KCNK4: variants seen among roughly 807,000 people sequenced by gnomAD.
KCNK4 encodes the protein potassium channel subfamily K member 4.
A neutral mutation model predicts 28.8 loss-of-function variants in KCNK4; 22 were observed. The ratio of observed to expected loss-of-function variants is 0.76; its 90% confidence interval spans 0.55 to 1.09. The LOEUF (loss-of-function observed/expected upper bound fraction) is 1.09. Ranked by LOEUF, KCNK4 falls within the 50% of genes least tolerant of loss-of-function variation. The pLI, the probability that KCNK4 is intolerant of heterozygous loss-of-function variation, is 0.00. For missense variants in KCNK4, 483 were observed against 546.3 expected, an observed-to-expected ratio of 0.88 and a Z score of 1.15; for synonymous variants, 263 against 252.9, an observed-to-expected ratio of 1.04 and a Z score of -0.38.
chr11:64,299,887 T>C lies in KCNK4; in HGVS notation c.*161T>C. 7.2e-7 allele frequency: 1 copy of C among 1,392,096 alleles called. No homozygotes were observed. Among genetic ancestry groups the C allele is most frequent in the Non-Finnish European group, 9.8e-7 (1 of 1,022,630 alleles). 86.2% of individuals were successfully genotyped at this position (1,392,096 alleles called of 1,614,324 possible). The stretch of plus-strand genomic sequence containing the variant: ...TCCCTGGCCCCGGCCCTTCCCTCAC[T>C]TCCATCCATCTCTAGACCCCCCCAA... On this transcript the variant is annotated 3_prime_UTR_variant, in exon 7 of 7. Transcript: ENST00000422670.
rs754106221 is a variant in KCNK4, at chr11:64,299,424, G to A, written c.880G>A (p.Ala294Thr). 6.3e-6 allele frequency: 10 copies of A among 1,580,964 alleles called. No individual in the cohort carries two copies. The South Asian group carries it at 6.8e-5, about 11-fold the overall frequency. ...CGTGACCCAGCGAGCCGGGCCCGCC[G>A]CCCCGCCGCCGGAGAAGGAGCAGCC... is the stretch of plus-strand genomic sequence containing the variant. ...ARVTQRAGPAAPPPEKEQPLL... is the reference protein window; with the variant it reads ...ARVTQRAGPATPPPEKEQPLL... Residue 294 changes from alanine to threonine, a missense_variant, in exon 7 of 7, where the codon GCC becomes ACC. Transcript: ENST00000422670.
chr11:64,296,190 A>G (rs1231523183), intron 2 of KCNK4: 8 of 152,106 alleles, frequency 5.3e-5, no homozygotes, highest in Admixed American at 1.3e-4. Flanking sequence ...TTTACACTGC[A>G]GCACAGGGTT....
At chr11:64,298,746 A>G (rs2034841533) in intron 6 of KCNK4, among the ~76,000 whole-genome samples, 1 of 152,164 alleles carries the variant, frequency 6.6e-6, no homozygotes, top group South Asian at 2.1e-4. Flanking sequence ...TTCCAAATAA[A>G]TAAAATTTTA....
Position 64,299,703 on chromosome 11 carries a change from C to T in KCNK4, c.1159C>T (p.Arg387Ter). 6.4e-7 allele frequency: 1 copy of T among 1,562,234 alleles called. No individual in the cohort carries two copies. Among genetic ancestry groups the T allele is most frequent in the Non-Finnish European group, 8.6e-7 (1 of 1,156,076 alleles). The change falls in exon 7 of 7, where the codon CGA (arginine) becomes TGA (stop). Residue 387 changes from arginine (R) to a stop codon, truncating the protein, a stop_gained. Transcript: ENST00000422670. LOFTEE classifies it high-confidence loss of function. ...GCGGCCCCGCGGCCCCGGGCGTCCC[C>T]GAGACAAAGGCGTGCCGGTGTAGGG... ...PVRPRGPGRP[R>*]DKGVPV
At chr11:64,295,318 G>C (rs1339822745) in intron 2 of KCNK4, among the ~76,000 whole-genome samples, 1 of 152,178 alleles carries the variant, frequency 6.6e-6, no homozygotes, top group African/African-American at 2.4e-5. Context: ...GGATGACCTG[G>C]TGATTGAAAT....
intron 2 of KCNK4, among the ~76,000 whole-genome samples, chr11:64,294,627 T>G (rs537767964): frequency 6.6e-6 from 1 of 151,580 alleles, no homozygotes; most frequent in South Asian, 2.1e-4. Context: ...TACAAAAAAA[T>G]TAAGATTTAG....
At position 64,297,505 on chromosome 11, in the gene KCNK4, G is replaced by A. The variant is rs541137183; in HGVS notation, c.513G>A (p.Ser171=). 3.0e-5 allele frequency: 48 copies of A among 1,614,022 alleles called. No homozygotes were observed. The highest frequency in any genetic ancestry group is 1.6e-4 in the East Asian group (7 of 44,896). The change falls in exon 5 of 7, where the codon TCG becomes TCA. Residue 171 remains serine (S), a synonymous_variant. Transcript: ENST00000422670. ...CACCGGAGCTAGTAAGAGTGCTGTC[G>A]GCGATGCTTTTCCTGCTGATCGGCT... ...HVPPELVRVL[S]AMLFLLIGCL...
chr11:64,294,813 A>G (rs1038297811), intron 2 of KCNK4, among the ~76,000 whole-genome samples: 3 of 151,268 alleles, frequency 2.0e-5, no homozygotes, highest in African/African-American at 7.3e-5. Flanking sequence ...AGACCACCCG[A>G]CAGCATCTCT....
chr11:64,294,655 C>G (rs557358185), intron 2 of KCNK4, among the ~76,000 whole-genome samples: 1 of 151,766 alleles, frequency 6.6e-6, no homozygotes, highest in Admixed American at 6.6e-5. Context: ...AAATTAATGT[C>G]TATTATTTGA....
At chr11:64,297,409 G>T in intron 4 of KCNK4, 58 bp from the exon 5 acceptor site, 2 of 1,597,590 alleles carry the variant, frequency 1.3e-6, no homozygotes, top group Non-Finnish European at 1.7e-6. Flanking sequence ...GGAGTGGGGA[G>T]TATGGGAGTG....
intron 6 of KCNK4, among the ~76,000 whole-genome samples, 195 bp downstream of exon 6, chr11:64,298,444 G>T (rs1050648142): frequency 2.0e-5 from 3 of 152,194 alleles, no homozygotes; most frequent in Non-Finnish European, 4.4e-5. Context: ...CTTCCTTCAT[G>T]GGTAGGATTG....
chr11:64,299,815 A>G lies in KCNK4; in HGVS notation c.*89A>G, dbSNP rs12803563. On this transcript the variant is annotated 3_prime_UTR_variant, in exon 7 of 7. Transcript: ENST00000422670. The stretch of plus-strand genomic sequence containing the variant: ...TGTTTGACCAAAGAGCCCTCTTTCC[A>G]CGAGACTGAAGTCTGGGGAGGAGGC... 14 of 1,535,122 alleles carry G rather than the reference A, an allele frequency of 9.1e-6. No individual in the cohort carries two copies. The highest frequency in any genetic ancestry group is 1.0e-5 in the Non-Finnish European group (12 of 1,146,622).
At chr11:64,294,946 G>A (rs544527853) in intron 2 of KCNK4, among the ~76,000 whole-genome samples, 25 of 152,192 alleles carry the variant, frequency 1.6e-4, no homozygotes, top group African/African-American at 5.8e-4. Context: ...CTTCACAATG[G>A]AATTGCTTTT....
chr11:64,291,456 A>T lies in KCNK4; in HGVS notation c.-188A>T, dbSNP rs2034627149. 1 of 152,364 alleles carries T rather than the reference A, an allele frequency of 6.6e-6. No individual in the cohort carries two copies. Among genetic ancestry groups the T allele is most frequent in the Non-Finnish European group, 1.5e-5 (1 of 68,162 alleles). 9.4% of individuals were successfully genotyped at this position (152,364 alleles called of 1,614,324 possible). Reference sequence around the variant, plus strand: ...AGGTCGGGGCCCTGCCGCTGGCCACACTGGGCTCCGGTCCAAGGCTAGAAG... The same window carrying T: ...AGGTCGGGGCCCTGCCGCTGGCCACTCTGGGCTCCGGTCCAAGGCTAGAAG... On this transcript the variant is annotated 5_prime_UTR_variant, in exon 1 of 7. Coordinates refer to ENST00000422670, the MANE Select transcript of KCNK4 (RefSeq NM_033310.3).
In KCNK4 at chr11:64,297,150, C is replaced by A. The variant is rs754793654; in HGVS notation, c.345C>A (p.Ala115=). 1.9e-6 allele frequency: 3 copies of A among 1,614,138 alleles called. No individual in the cohort carries two copies. Among genetic ancestry groups the A allele is most frequent in the Middle Eastern group, 1.7e-4 (1 of 6,060 alleles). The change falls in exon 4 of 7, where the codon GCC becomes GCA. Residue 115 remains alanine (A), a synonymous_variant. Coordinates refer to ENST00000422670, the MANE Select transcript of KCNK4 (RefSeq NM_033310.3). The part of the protein sequence containing the change: ...GYGNVALRTD[A]GRLFCIFYAL... ...GCAATGTGGCCCTGCGCACAGATGC[C>A]GGGCGCCTCTTCTGCATCTTTTATG... is the stretch of plus-strand genomic sequence containing the variant.
In KCNK4 at chr11:64,293,060, G is replaced by T; in HGVS notation, c.42G>T (p.Leu14Phe). The change falls in exon 2 of 7, where the codon TTG becomes TTT. Residue 14 changes from leucine (L) to phenylalanine (F), a missense_variant. Transcript: ENST00000422670. ...TTLLALLALVLLYLVSGALVF... is the reference protein window; with the variant it reads ...TTLLALLALVFLYLVSGALVF... ...TCCTGGCCCTGCTGGCGCTGGTCTT[G>T]CTTTACTTGGTGTCTGGTGCCCTGG... 1 of 1,548,866 alleles carries T rather than the reference G, an allele frequency of 6.5e-7. No homozygotes were observed. The highest frequency in any genetic ancestry group is 8.7e-7 in the Non-Finnish European group (1 of 1,146,158).
In KCNK4 at chr11:64,299,543, G is replaced by A. The variant is rs747576337; in HGVS notation, c.999G>A (p.Thr333=). The A allele has an allele frequency of 3.1e-6, 5 of 1,609,188 alleles. No homozygotes were observed. Among genetic ancestry groups the A allele is most frequent in the Non-Finnish European group, 3.4e-6 (4 of 1,178,690 alleles). ...PEKAQPPSPP[T]ASALDYPSEN... is the part of the protein sequence containing the mutation. ...AGGCTCAGCCGCCTTCCCCGCCCACGGCCTCGGCCCTGGATTATCCCAGCG... is the reference window on the plus strand; with the variant it reads ...AGGCTCAGCCGCCTTCCCCGCCCACAGCCTCGGCCCTGGATTATCCCAGCG... Residue 333 remains threonine, a synonymous_variant, in exon 7 of 7, where the codon ACG becomes ACA. Transcript: ENST00000422670.
At position 64,299,626 on chromosome 11, in the gene KCNK4, T is replaced by C; in HGVS notation, c.1082T>C (p.Leu361Pro). 4 of 1,607,918 alleles carry C rather than the reference T, an allele frequency of 2.5e-6. No homozygotes were observed. The Middle Eastern group carries it at 6.6e-4, about 266-fold the overall frequency. ...SDTQSERGCP[L>P]PRAPRGRRRP... is the part of the protein sequence containing the mutation. ...ACGCAGAGCGAGCGCGGCTGCCCGC[T>C]GCCCCGCGCGCCGAGAGGTCGCCGC... The change falls in exon 7 of 7, where the codon CTG becomes CCG. Residue 361 changes from leucine to proline, a missense_variant. Transcript: ENST00000422670.
intron 2 of KCNK4, among the ~76,000 whole-genome samples, chr11:64,295,497 A>G (rs1167794559): frequency 6.6e-6 from 1 of 152,196 alleles, no homozygotes; most frequent in Non-Finnish European, 1.5e-5. Context: ...ACAGGATGAC[A>G]AAGGATTTTT....
Sources: allele counts gnomAD v4.1 joint callset (sites outside exome capture counted in the v4.1 genomes callset), GRCh38; gene constraint gnomAD v4.1.1; transcripts MANE v1.5; gene names NCBI Gene and HGNC (gene_info 2026-07-23, HGNC 2026-07-21).